The following RIT2 variants were observed in gnomAD, a reference collection of about 807,000 sequenced individuals.
The protein encoded by RIT2 is GTP-binding protein Rit2.
In RIT2, 24 loss-of-function variants were observed where a neutral mutation model predicts 23.7. The ratio of observed to expected loss-of-function variants is 1.01; its 90% CI spans 0.73 to 1.43. The LOEUF (loss-of-function observed/expected upper bound fraction) is 1.43, where lower values mean the gene tolerates loss of function less well. Ranked by LOEUF, RIT2 falls within the 40% of genes most tolerant of loss-of-function variation. The pLI, the probability that RIT2 is intolerant of heterozygous loss-of-function variation, is 0.00. For synonymous variants in RIT2, 107 were observed against 91.1 expected, an observed-to-expected ratio of 1.17 and a Z score of -0.99; for missense variants, 236 against 266.9, an observed-to-expected ratio of 0.88 and a Z score of 0.81.
intron 4 of RIT2, among the ~76,000 whole-genome samples, chr18:42,800,415 T>C (rs538684809): frequency 1.3e-5 from 2 of 152,288 alleles, no homozygotes; most frequent in East Asian, 1.9e-4. Context: ...TAAACCATTA[T>C]ACACATTGAT....
At chr18:42,994,761 T>C (rs1910938913) in intron 2 of RIT2, among the ~76,000 whole-genome samples, 2 of 152,150 alleles carry the variant, frequency 1.3e-5, no homozygotes, top group African/African-American at 4.8e-5. Context: ...GCCCTAATAC[T>C]TTTAGAGGCC....
chr18:42,916,049 A>G (rs1050797202), intron 4 of RIT2, among the ~76,000 whole-genome samples: 2 of 151,930 alleles, frequency 1.3e-5, no homozygotes, highest in African/African-American at 4.8e-5. Flanking sequence ...CATGCACTTC[A>G]TTTTATATTC....
chr18:43,005,315 A>C (rs1911201370), intron 2 of RIT2, among the ~76,000 whole-genome samples: 1 of 151,878 alleles, frequency 6.6e-6, no homozygotes, highest in African/African-American at 2.4e-5. Flanking sequence ...ATTAAAAATT[A>C]TCATTTATTT....
chr18:42,881,082 A>G (rs1907881009), intron 4 of RIT2, among the ~76,000 whole-genome samples: 1 of 152,164 alleles, frequency 6.6e-6, no homozygotes, highest in South Asian at 2.1e-4. Context: ...CTGGGATTAC[A>G]GGCGTGAGCC....
At position 42,824,504 on chromosome 18, in the gene RIT2, C is replaced by T. The variant is rs1906241064; in HGVS notation, c.427-80784G>A. Among the ~76,000 whole-genome samples, 9 of 152,084 alleles carry T rather than the reference C, an allele frequency of 5.9e-5. No individual in the cohort carries two copies. The South Asian group carries it at 1.9e-3, about 32-fold the overall frequency. ...ATGCACAAGATTCATTTCATTGCTA[C>T]TTTTCAACCTTTTTTCTCAAAGATG... is the stretch of plus-strand genomic sequence containing the variant. On this transcript the variant is annotated intron_variant, in intron 4 of 4. Transcript: ENST00000326695.
chr18:42,829,556 CAATGGCAATT>C (rs1266450859), intron 4 of RIT2, among the ~76,000 whole-genome samples: 1 of 151,998 alleles, frequency 6.6e-6, no homozygotes, highest in Non-Finnish European at 1.5e-5. Context: ...AGAGAGCATA[CAATGGCAATT>C]AAAGGACAGA....
chr18:42,928,146 T>G (rs1909230044), intron 3 of RIT2, among the ~76,000 whole-genome samples: 1 of 151,884 alleles, frequency 6.6e-6, no homozygotes, highest in African/African-American at 2.4e-5. Flanking sequence ...TTGTTCTCCT[T>G]ATGGAAAAAA....
chr18:42,903,508 T>TA (rs1204734010), intron 4 of RIT2, among the ~76,000 whole-genome samples: 2 of 151,908 alleles, frequency 1.3e-5, no homozygotes, highest in African/African-American at 4.8e-5. Context: ...GTTTGCAAAC[T>TA]AAAAAAATAA....
chr18:43,057,206 G>T (rs1912524131), intron 1 of RIT2, among the ~76,000 whole-genome samples: 1 of 152,002 alleles, frequency 6.6e-6, no homozygotes, highest in Non-Finnish European at 1.5e-5. Flanking sequence ...CTTTTTGCAT[G>T]CCTTCTCTTG....
At chr18:42,872,438 T>A (rs1403682512) in intron 4 of RIT2, among the ~76,000 whole-genome samples, 1 of 152,194 alleles carries the variant, frequency 6.6e-6, no homozygotes, top group African/African-American at 2.4e-5. Context: ...CTACAACAGT[T>A]GAATAGAAGC....
At chr18:43,034,117 AT>A (rs1365805459) in intron 1 of RIT2, among the ~76,000 whole-genome samples, 4 of 152,180 alleles carry the variant, frequency 2.6e-5, no homozygotes, top group Admixed American at 6.5e-5. Context: ...TAAAAATGGT[AT>A]TAGAGTAAAA....
chr18:43,081,258 G>T (rs1568076406), intron 1 of RIT2, among the ~76,000 whole-genome samples: 1 of 152,080 alleles, frequency 6.6e-6, no homozygotes, highest in Non-Finnish European at 1.5e-5. Context: ...TAATCATGAT[G>T]CTGCTTATGT....
intron 2 of RIT2, among the ~76,000 whole-genome samples, chr18:43,029,398 C>T (rs1483880611): frequency 6.6e-6 from 1 of 151,876 alleles, no homozygotes; most frequent in African/African-American, 2.4e-5. Context: ...AATGGATGGG[C>T]AAATGAGATA....
intron 4 of RIT2, among the ~76,000 whole-genome samples, chr18:42,839,690 T>A (rs537032788): frequency 6.6e-6 from 1 of 152,344 alleles, no homozygotes; most frequent in Admixed American, 6.5e-5. Flanking sequence ...TAGCAAGTAC[T>A]TAATATTACT....
intron 3 of RIT2, among the ~76,000 whole-genome samples, chr18:42,928,473 T>C (rs1598718505): frequency 6.6e-6 from 1 of 152,084 alleles, no homozygotes; most frequent in African/African-American, 2.4e-5. Context: ...TAGCCTTTCA[T>C]AGTACAAATT....
chr18:42,908,273 AAAAT>A (rs1322194434), intron 4 of RIT2, among the ~76,000 whole-genome samples: 4 of 152,028 alleles, frequency 2.6e-5, no homozygotes, highest in Non-Finnish European at 4.4e-5. Context: ...ACTAAAAGAA[AAAAT>A]AAATAGAGAT....
At chr18:42,895,083 T>C (rs1052869601) in intron 4 of RIT2, among the ~76,000 whole-genome samples, 2 of 152,202 alleles carry the variant, frequency 1.3e-5, no homozygotes, top group African/African-American at 2.4e-5. Flanking sequence ...AGTTTTATGA[T>C]AAGAAATTAA....
At chr18:42,949,084 T>C (rs933303188) in intron 3 of RIT2, 1 of 397,274 alleles carries the variant, frequency 2.5e-6, no homozygotes, top group African/African-American at 2.1e-5. Context: ...GCTGCAGCAA[T>C]ACTTAGAACT....
chr18:42,791,719 T>C (rs1370377971), intron 4 of RIT2, among the ~76,000 whole-genome samples: 1 of 152,242 alleles, frequency 6.6e-6, no homozygotes, highest in East Asian at 1.9e-4. Flanking sequence ...CGTTTGCTGA[T>C]TTCTGTTCTT....
Sources: allele counts gnomAD v4.1 joint callset (sites outside exome capture counted in the v4.1 genomes callset), GRCh38; gene constraint gnomAD v4.1.1; transcripts MANE v1.5; gene names NCBI Gene and HGNC (gene_info 2026-07-23, HGNC 2026-07-21).